The following RNF144A variants were observed in gnomAD, a reference collection of about 807,000 sequenced individuals.
RNF144A encodes the protein E3 ubiquitin-protein ligase RNF144A.
In RNF144A, 11 loss-of-function variants were observed where a neutral mutation model predicts 38.7. The observed-to-expected ratio is 0.28, with a 90% CI of 0.18 to 0.47. RNF144A has a LOEUF of 0.47. RNF144A is among the 20% of genes least tolerant of loss of function. RNF144A has a pLI of 0.99. For synonymous variants in RNF144A, 149 were observed against 143.9 expected, an observed-to-expected ratio of 1.04 and a Z score of -0.25; for missense variants, 316 against 377.2, an observed-to-expected ratio of 0.84 and a Z score of 1.34.
At chr2:7,075,577 C>G in the RNF144A span, among the ~76,000 whole-genome samples, 3 of 152,244 alleles carry the variant, frequency 2.0e-5, no homozygotes, top group Admixed American at 6.5e-5. Context: ...CCTTAGATAG[C>G]ACATTTGCTT....
chr2:6,967,853 G>A (rs1021929602), intron 2 of RNF144A, among the ~76,000 whole-genome samples: 1 of 152,054 alleles, frequency 6.6e-6, no homozygotes, highest in Non-Finnish European at 1.5e-5. Context: ...TCAAAAGCTC[G>A]CTGGAAATAT....
downstream of RNF144A, among the ~76,000 whole-genome samples, chr2:7,070,014 T>C (rs1305091738): frequency 6.6e-6 from 1 of 152,226 alleles, no homozygotes; most frequent in Non-Finnish European, 1.5e-5. Flanking sequence ...ATGTGGCACA[T>C]GGATGAGAAG....
chr2:6,988,285 A>G (rs1669084150), intron 2 of RNF144A, among the ~76,000 whole-genome samples: 1 of 152,218 alleles, frequency 6.6e-6, no homozygotes, highest in Non-Finnish European at 1.5e-5. Flanking sequence ...ATATGAAGCC[A>G]GTACTGTTAC....
intron 2 of RNF144A, among the ~76,000 whole-genome samples, chr2:6,961,420 C>G (rs898716750): frequency 6.7e-6 from 1 of 149,152 alleles, no homozygotes; most frequent in Admixed American, 6.7e-5. Flanking sequence ...AGAATGTGAA[C>G]TACTCTTTTA....
At chr2:7,071,925 A>G (rs1327656975), downstream of RNF144A, among the ~76,000 whole-genome samples, 2 of 152,204 alleles carry the variant, frequency 1.3e-5, no homozygotes, top group African/African-American at 4.8e-5. Context: ...TAAGGAAGAA[A>G]TTCCTCCTGG....
rs1047808487 is a variant in RNF144A at position 6,919,140 on chromosome 2, G to T, written c.-212+1518G>T. 2.6e-5 allele frequency among the ~76,000 whole-genome samples: 4 copies of T among 152,194 alleles called. No individual in the cohort carries two copies. The East Asian group carries it at 7.7e-4, about 29-fold the overall frequency. ...AGGGAGTCAGGGTGTCCCTGCAAAG[G>T]GAGTCCCCTTTGCAAGGGAGGGGGT... On this transcript the variant is annotated intron_variant, in intron 1 of 8. Transcript: ENST00000320892.
At chr2:6,953,116 G>C (rs1011829940) in intron 2 of RNF144A, among the ~76,000 whole-genome samples, 1 of 151,944 alleles carries the variant, frequency 6.6e-6, no homozygotes, top group African/African-American at 2.4e-5. Flanking sequence ...TAAAATATAA[G>C]CATTTAAGAT....
chr2:7,030,093 C>T (rs377696543), intron 7 of RNF144A, 33 bp from the exon 8 acceptor site: 51 of 1,453,504 alleles, frequency 3.5e-5, no homozygotes, highest in Non-Finnish European at 4.7e-5. Flanking sequence ...AGGAACCACT[C>T]GTTCATGCCG....
intron 2 of RNF144A, among the ~76,000 whole-genome samples, chr2:6,961,390 A>G (rs978679337): frequency 2.1e-5 from 3 of 141,788 alleles, no homozygotes; most frequent in East Asian, 4.6e-4. Context: ...CTATAAAGGT[A>G]CATTTTTTTT....
At chr2:6,929,236 T>A (rs1007288834) in intron 1 of RNF144A, among the ~76,000 whole-genome samples, 7 of 152,218 alleles carry the variant, frequency 4.6e-5, no homozygotes, top group Non-Finnish European at 7.3e-5. Flanking sequence ...ATTTTTGGCA[T>A]AAGGAGAGAT....
intron 3 of RNF144A, among the ~76,000 whole-genome samples, chr2:7,008,991 C>G (rs569896664): frequency 1.3e-5 from 2 of 152,356 alleles, no homozygotes; most frequent in African/African-American, 4.8e-5. Context: ...ATTCCGTCCA[C>G]ATCTTCACTG....
intron 1 of RNF144A, among the ~76,000 whole-genome samples, chr2:6,923,514 C>T (rs910294658): frequency 2.0e-5 from 3 of 152,198 alleles, no homozygotes; most frequent in Non-Finnish European, 2.9e-5. Context: ...TGCCCTGGGA[C>T]GCTCTCCCAC....
At position 7,044,103 on chromosome 2, in the gene RNF144A, T is replaced by C; in HGVS notation, c.*4343T>C. On this transcript the variant is annotated 3_prime_UTR_variant, in exon 9 of 9. Coordinates refer to ENST00000320892, the MANE Select transcript of RNF144A (RefSeq NM_014746.6). Reference sequence around the variant, plus strand: ...TACATATTTTAAATGTATTGTGTCTTACGTAGTTTGTCCCCCCCTTTAGCA... The same window carrying C: ...TACATATTTTAAATGTATTGTGTCTCACGTAGTTTGTCCCCCCCTTTAGCA... The C allele has an allele frequency of 1.0e-6, 1 of 985,774 alleles. No individual in the cohort carries two copies. The highest frequency in any genetic ancestry group is 1.2e-6 in the Non-Finnish European group (1 of 829,838). 61.1% of individuals were successfully genotyped at this position (985,774 alleles called of 1,614,324 possible). A position where few individuals can be genotyped will look rare whatever the true frequency, so the allele number is the denominator to read the frequency against.
chr2:6,973,542 C>T (rs373936189), intron 2 of RNF144A, among the ~76,000 whole-genome samples: 21 of 152,270 alleles, frequency 1.4e-4, no homozygotes, highest in East Asian at 7.7e-4. Flanking sequence ...CCTGGCAGCA[C>T]GGTGCACACT....
chr2:6,947,180 C>T (rs1218470779), intron 2 of RNF144A, among the ~76,000 whole-genome samples: 1 of 151,982 alleles, frequency 6.6e-6, no homozygotes, highest in African/African-American at 2.4e-5. Flanking sequence ...CATAGATATA[C>T]AAACTTAAAG....
chr2:7,026,871 T>C (rs1410124829), intron 7 of RNF144A, among the ~76,000 whole-genome samples: 1 of 152,204 alleles, frequency 6.6e-6, no homozygotes, highest in Non-Finnish European at 1.5e-5. Context: ...GCACTTTTCC[T>C]CCATCAGAGA....
Position 6,941,037 on chromosome 2 carries a change from C to T in RNF144A, c.-122C>T, listed in dbSNP as rs1665939803. ...TGCCAGAGACCTTCTCCCATTTCTC[C>T]CTATGGGTGCCTGACCTGAGGGCAG... On this transcript the variant is annotated 5_prime_UTR_variant, in exon 2 of 9. Transcript: ENST00000320892. This position sits in a 1 kb window ranked among gnomAD's most constrained non-coding sequence, Gnocchi z 6.5. 6.6e-6 allele frequency: 1 copy of T among 152,388 alleles called. No individual in the cohort carries two copies. The highest frequency in any genetic ancestry group is 2.4e-5 in the African/African-American group (1 of 41,434). The allele number at this position is 152,388 out of a possible 1,614,324, so 9.4% of individuals were successfully genotyped here.
chr2:6,961,531 A>G (rs996236239), intron 2 of RNF144A, among the ~76,000 whole-genome samples: 2 of 152,162 alleles, frequency 1.3e-5, no homozygotes, highest in African/African-American at 4.8e-5. Context: ...ATAGTAATGT[A>G]TTTGGAGAGA....
intron 8 of RNF144A, among the ~76,000 whole-genome samples, chr2:7,036,436 G>A (rs954719929): frequency 2.0e-5 from 3 of 152,228 alleles, no homozygotes; most frequent in Admixed American, 2.0e-4. Flanking sequence ...TAGTTTCAGA[G>A]ACTGAGCCGA....
Sources: gnomAD v4.1 joint callset for allele counts (sites outside exome capture counted in the v4.1 genomes callset) on GRCh38, gnomAD v4.1.1 for gene constraint, Gnocchi (gnomAD v3.1) non-coding constraint, MANE v1.5 for transcripts, NCBI Gene and HGNC (gene_info 2026-07-23, HGNC 2026-07-21) for gene names.